MAP1B: variants seen among roughly 807,000 people sequenced by gnomAD.
The protein encoded by MAP1B is microtubule associated protein 1B, also known as microtubule-associated protein 1B.
A neutral mutation model predicts 176.1 loss-of-function variants in MAP1B; 12 were observed. That is an observed-to-expected ratio of 0.07 (90% confidence interval 0.04 to 0.11). The LOEUF (loss-of-function observed/expected upper bound fraction) is 0.11, where lower values mean the gene tolerates loss of function less well. Among genes scored for constraint, MAP1B ranks in the 10% least tolerant of loss-of-function variants. MAP1B has a pLI of 1.00. For synonymous variants in MAP1B, 1,044 were observed against 1,135.0 expected (o/e 0.92, Z 1.61); for missense variants, 2,523 against 2,990.5 (o/e 0.84, Z 3.65).
At chr5:72,110,590 T>C (rs1431263195) in intron 1 of MAP1B, among the ~76,000 whole-genome samples, 1 of 152,172 alleles carries the variant, frequency 6.6e-6, no homozygotes, top group East Asian at 1.9e-4. Context: ...AGGCCACTGC[T>C]GTTGTTGCTT....
intron 6 of MAP1B, 27 bp downstream of exon 6, chr5:72,203,828 C>G: frequency 6.3e-7 from 1 of 1,599,042 alleles, no homozygotes; most frequent in Non-Finnish European, 8.6e-7. Flanking sequence ...AGTGTCTGCA[C>G]TGCCGATTGA....
intron 2 of MAP1B, chr5:72,116,470 T>G (rs1462567683): frequency 7.2e-6 from 3 of 415,444 alleles, no homozygotes; most frequent in Non-Finnish European, 1.4e-5. Context: ...ATGCAAAAAT[T>G]TGTCATATGT....
chr5:72,200,882 A>G (rs1383046199), intron 5 of MAP1B, among the ~76,000 whole-genome samples: 1 of 152,174 alleles, frequency 6.6e-6, no homozygotes, highest in Non-Finnish European at 1.5e-5. Context: ...TTAAAACATC[A>G]CCAGGTTGGA....
In MAP1B at chr5:72,195,729, G is replaced by A. The variant is rs760050963; in HGVS notation, c.2374G>A (p.Ala792Thr). ...IKVIKKEGKA[A>T]EAVAAAVGTG... ...AGTCATTAAGAAGGAAGGCAAGGCC[G>A]CAGAGGCTGTCGCTGCAGCTGTCGG... Residue 792 changes from alanine to threonine, a missense_variant, in exon 5 of 7, where the codon GCA (alanine) becomes ACA (threonine). By Grantham distance (58) the Ala-to-Thr change is moderately conservative. Coordinates refer to ENST00000296755, the MANE Select transcript of MAP1B (RefSeq NM_005909.5). 37 of 1,614,140 alleles carry A rather than the reference G, an allele frequency of 2.3e-5. No individual in the cohort carries two copies. Among genetic ancestry groups the A allele is most frequent in the African/African-American group, 8.0e-5 (6 of 74,956 alleles).
At chr5:72,170,380 A>G (rs1253857829) in intron 2 of MAP1B, among the ~76,000 whole-genome samples, 1 of 152,206 alleles carries the variant, frequency 6.6e-6, no homozygotes, top group Non-Finnish European at 1.5e-5. Context: ...GATGTTTCCA[A>G]GAGAGTACTC....
intron 5 of MAP1B, 84 bp downstream of exon 5, chr5:72,200,451 T>A: frequency 6.6e-7 from 1 of 1,504,668 alleles, no homozygotes; most frequent in East Asian, 2.3e-5. Context: ...TGTTTGGCTT[T>A]GTACTGGGAA....
At chr5:72,168,353 C>T (rs114985316) in intron 2 of MAP1B, among the ~76,000 whole-genome samples, 2,716 of 152,228 alleles carry the variant, frequency 0.018, 86 homozygotes, top group African/African-American at 0.062. Context: ...TCTCTAGGGC[C>T]GGCTTACCTG....
chr5:72,141,127 C>G (rs956716692), intron 2 of MAP1B, among the ~76,000 whole-genome samples: 2 of 152,178 alleles, frequency 1.3e-5, no homozygotes, highest in Admixed American at 1.3e-4. Context: ...AGTTTCACTC[C>G]CACCTCAAAC....
At chr5:72,181,803 C>T (rs774305071) in intron 2 of MAP1B, among the ~76,000 whole-genome samples, 7 of 151,210 alleles carry the variant, frequency 4.6e-5, no homozygotes, top group Non-Finnish European at 5.9e-5. Flanking sequence ...CTCACTGCAA[C>T]CTCTGCCTCC....
At chr5:72,115,867 GTCTGAGGCAGC>G in intron 2 of MAP1B, 68 bp downstream of exon 2, 2 of 1,115,740 alleles carry the variant, frequency 1.8e-6, no homozygotes, top group Admixed American at 1.7e-5. Flanking sequence ...AGAAAGCTTT[GTCTGAGGCAGC>G]AAAAAGACTC....
At chr5:72,173,071 C>A (rs998544493) in intron 2 of MAP1B, among the ~76,000 whole-genome samples, 1 of 152,218 alleles carries the variant, frequency 6.6e-6, no homozygotes, top group African/African-American at 2.4e-5. Flanking sequence ...GCTCCACTGC[C>A]CTGTGCCGCC....
intron 2 of MAP1B, among the ~76,000 whole-genome samples, chr5:72,174,836 C>A (rs191275429): frequency 6.6e-6 from 1 of 152,288 alleles, no homozygotes; most frequent in East Asian, 1.9e-4. Flanking sequence ...AATGGTGAAG[C>A]AAACACCAAC....
chr5:72,146,392 T>C (rs187075507), intron 2 of MAP1B, among the ~76,000 whole-genome samples: 1 of 152,230 alleles, frequency 6.6e-6, no homozygotes, highest in Non-Finnish European at 1.5e-5. Context: ...CCAGTGCCAT[T>C]TGAGTCCGGG....
In MAP1B at chr5:72,205,537, G is replaced by T; in HGVS notation, c.*298G>T. The T allele has an allele frequency of 3.3e-6, 1 of 301,220 alleles. No individual in the cohort carries two copies. The highest frequency in any genetic ancestry group is 6.3e-6 in the Non-Finnish European group (1 of 159,384). The allele number at this position is 301,220 out of a possible 1,614,324, so 18.7% of individuals were successfully genotyped here. On this transcript the variant is annotated 3_prime_UTR_variant, in exon 7 of 7. Coordinates refer to ENST00000296755, the MANE Select transcript of MAP1B (RefSeq NM_005909.5). ...AGCCAACCCAACTGACTTCTGCTAG[G>T]TAGAGGCATTTGTCTTAGAGAGAGA...
intron 5 of MAP1B, among the ~76,000 whole-genome samples, chr5:72,200,771 A>G (rs531039053): frequency 1.1e-4 from 17 of 152,334 alleles, no homozygotes; most frequent in African/African-American, 4.1e-4. Context: ...AAGGAGAACC[A>G]GAGGTTTCAC....
At chr5:72,108,833 T>A (rs999074508) in intron 1 of MAP1B, among the ~76,000 whole-genome samples, 1 of 152,214 alleles carries the variant, frequency 6.6e-6, no homozygotes, top group Non-Finnish European at 1.5e-5. Context: ...CTCTGGTCTC[T>A]GCCTTTCCCT....
At chr5:72,163,812 A>C (rs1746369432) in intron 2 of MAP1B, among the ~76,000 whole-genome samples, 1 of 151,978 alleles carries the variant, frequency 6.6e-6, no homozygotes, top group African/African-American at 2.4e-5. Context: ...TTCATCTGTA[A>C]AACAGAGGTT....
chr5:72,142,664 A>T (rs1420787360), intron 2 of MAP1B, among the ~76,000 whole-genome samples: 1 of 151,630 alleles, frequency 6.6e-6, no homozygotes, highest in African/African-American at 2.4e-5. Flanking sequence ...GAAAAAAGGG[A>T]TTTTTTTTCA....
At chr5:72,120,590 AT>A (rs368298154) in intron 2 of MAP1B, among the ~76,000 whole-genome samples, 3,833 of 150,096 alleles carry the variant, frequency 0.026, 144 homozygotes, top group African/African-American at 0.089. Flanking sequence ...ATGCCTGGCT[AT>A]TTTTTTTTGT....
Sources: allele counts gnomAD v4.1 joint callset (sites outside exome capture counted in the v4.1 genomes callset), GRCh38; gene constraint gnomAD v4.1.1; transcripts MANE v1.5; gene names NCBI Gene and HGNC (gene_info 2026-07-23, HGNC 2026-07-21).